APPL2: variants seen among roughly 807,000 people sequenced by gnomAD.
The protein encoded by APPL2 is DCC-interacting protein 13-beta.
A neutral mutation model predicts 92.7 loss-of-function variants in APPL2; 84 were observed. The ratio of observed to expected loss-of-function variants is 0.91; its 90% confidence interval spans 0.76 to 1.09. APPL2 has a LOEUF of 1.09. Among genes scored for constraint, APPL2 ranks in the 50% least tolerant of loss-of-function variants. The pLI is 0.00. For synonymous variants in APPL2, 291 were observed against 291.0 expected (o/e 1.00, Z 0.00); for missense variants, 736 against 824.5 (o/e 0.89, Z 1.31).
chr12:105,207,594 G>C (rs369433848), intron 7 of APPL2, among the ~76,000 whole-genome samples: 47 of 152,318 alleles, frequency 3.1e-4, no homozygotes, highest in Middle Eastern at 3.4e-3. Context: ...TTATATGCAT[G>C]AAAATAGTCA....
chr12:105,219,993 G>A (rs1319581417), intron 2 of APPL2, among the ~76,000 whole-genome samples: 1 of 152,202 alleles, frequency 6.6e-6, no homozygotes, highest in Non-Finnish European at 1.5e-5. Context: ...TTCTGTGCAC[G>A]ACCTCATCTA....
intron 1 of APPL2, chr12:105,233,324 T>G: frequency 1.0e-6 from 1 of 985,496 alleles, no homozygotes; most frequent in Non-Finnish European, 1.2e-6. Flanking sequence ...GGCAGATTTC[T>G]TAATCCCTAA....
At chr12:105,183,046 C>T (rs1307162175) in intron 17 of APPL2, among the ~76,000 whole-genome samples, 1 of 145,840 alleles carries the variant, frequency 6.9e-6, no homozygotes, top group Non-Finnish European at 1.5e-5. Flanking sequence ...TCCGTTTTAT[C>T]AGAGACTAGG....
chr12:105,195,812 T>G (rs1411599716), intron 11 of APPL2, among the ~76,000 whole-genome samples, 185 bp from the exon 12 acceptor site: 3 of 152,122 alleles, frequency 2.0e-5, no homozygotes, highest in Non-Finnish European at 4.4e-5. Flanking sequence ...CCCAGCATTT[T>G]GGGAAGGTGA....
At chr12:105,231,411 A>G (rs1890909849) in intron 1 of APPL2, among the ~76,000 whole-genome samples, 1 of 152,240 alleles carries the variant, frequency 6.6e-6, no homozygotes, top group Admixed American at 6.5e-5. Context: ...GGCACTAAAC[A>G]TATGTGACTT....
chr12:105,211,416 TCA>T, intron 4 of APPL2, 99 bp from the exon 5 acceptor site: 1 of 835,198 alleles, frequency 1.2e-6, no homozygotes, highest in Non-Finnish European at 1.9e-6. Context: ...TTCCGTGTGG[TCA>T]CAGAGCTCAG....
chr12:105,177,003 C>G lies in APPL2; in HGVS notation c.1685G>C (p.Ser562Thr), dbSNP rs1885610416. 6.2e-7 allele frequency: 1 copy of G among 1,613,928 alleles called. No individual in the cohort carries two copies. The highest frequency in any genetic ancestry group is 1.1e-5 in the South Asian group (1 of 91,076). Residue 562 changes from serine (S) to threonine (T), a missense_variant, in exon 19 of 21, where the codon AGT becomes ACT. Physicochemically the swap from Ser to Thr is moderately conservative, Grantham distance 58. Transcript: ENST00000258530. ...TTGATGAGCAGCAAATTGTGTGACA[C>G]TGGTAAGTTCAAACTGGGGGGTGGA... ...QVSRANFELT[S>T]VTQFAAHQEN...
chr12:105,186,542 A>G (rs1339248265), intron 17 of APPL2, among the ~76,000 whole-genome samples: 1 of 142,402 alleles, frequency 7.0e-6, no homozygotes, highest in Non-Finnish European at 1.5e-5. Context: ...GAACCATTTT[A>G]TATTCCCACC....
chr12:105,175,241 T>C (rs1392185789), intron 20 of APPL2, among the ~76,000 whole-genome samples: 1 of 152,184 alleles, frequency 6.6e-6, no homozygotes, highest in Non-Finnish European at 1.5e-5. Context: ...GCCAAAAACA[T>C]AAAGACCCTT....
intron 5 of APPL2, 124 bp from the exon 6 acceptor site, chr12:105,208,323 C>T (rs1201652421): frequency 8.5e-7 from 1 of 1,175,086 alleles, no homozygotes; most frequent in African/African-American, 1.5e-5. Flanking sequence ...ACCCTCAGTC[C>T]CTGGCTCTCA....
At chr12:105,201,568 C>T (rs1341998998) in intron 9 of APPL2, among the ~76,000 whole-genome samples, 1 of 151,902 alleles carries the variant, frequency 6.6e-6, no homozygotes, top group African/African-American at 2.4e-5. Flanking sequence ...TAGTAGCTGC[C>T]CTGCCTTCCC....
At chr12:105,174,878 G>C (rs932256484) in intron 20 of APPL2, among the ~76,000 whole-genome samples, 2 of 52,192 alleles carry the variant, frequency 3.8e-5, no homozygotes, top group African/African-American at 8.9e-5. Context: ...TTTTTTGGTG[G>C]GGGGGGGGGT....
Position 105,184,810 on chromosome 12 carries a change from G to C in APPL2, c.1634+3463C>G, listed in dbSNP as rs78473851. Among the ~76,000 whole-genome samples, 503 of 152,342 alleles carry C rather than the reference G, an allele frequency of 3.3e-3. 20 individuals carry two copies. The East Asian group carries it at 0.072, about 22-fold the overall frequency. On this transcript the variant is annotated intron_variant, in intron 17 of 20. Coordinates refer to ENST00000258530, the MANE Select transcript of APPL2 (RefSeq NM_018171.5). ...GCTGGGAGACCTGCTGCTCTCTTGA[G>C]AGCTGGCAGGCAGGAACATTTAAGT... is the stretch of plus-strand genomic sequence containing the variant.
chr12:105,186,631 TATATC>T (rs1374733128), intron 17 of APPL2, among the ~76,000 whole-genome samples: 1 of 121,772 alleles, frequency 8.2e-6, no homozygotes, highest in African/African-American at 3.3e-5. Context: ...ATATATCATA[TATATC>T]ATATATATGA....
intron 4 of APPL2, among the ~76,000 whole-genome samples, chr12:105,212,953 C>T (rs1216756446): frequency 6.6e-6 from 1 of 152,222 alleles, no homozygotes; most frequent in Non-Finnish European, 1.5e-5. Flanking sequence ...TTGAGGGTAA[C>T]ACAGGAAGAC....
At chr12:105,225,277 C>T (rs920723206) in intron 2 of APPL2, among the ~76,000 whole-genome samples, 2 of 152,084 alleles carry the variant, frequency 1.3e-5, no homozygotes, top group South Asian at 2.1e-4. Context: ...TCGTGAATAC[C>T]GCTGGGGATA....
At chr12:105,177,884 G>A (rs1312981214) in intron 17 of APPL2, among the ~76,000 whole-genome samples, 1 of 152,098 alleles carries the variant, frequency 6.6e-6, no homozygotes, top group South Asian at 2.1e-4. Context: ...TCCACCTCCC[G>A]GGTTCAAGCG....
intron 1 of APPL2, among the ~76,000 whole-genome samples, chr12:105,230,541 A>G (rs575360215): frequency 1.5e-4 from 23 of 152,384 alleles, no homozygotes; most frequent in African/African-American, 5.5e-4. Flanking sequence ...CACTTTACCA[A>G]ATACAACTCA....
intron 2 of APPL2, among the ~76,000 whole-genome samples, chr12:105,218,342 TATA>T (rs1486983902): frequency 6.6e-6 from 1 of 152,200 alleles, no homozygotes; most frequent in East Asian, 1.9e-4. Context: ...AGTGAGCAAT[TATA>T]ATGTGCCAGA....
Sources: allele counts gnomAD v4.1 joint callset (sites outside exome capture counted in the v4.1 genomes callset), GRCh38; gene constraint gnomAD v4.1.1; transcripts MANE v1.5; gene names NCBI Gene and HGNC (gene_info 2026-07-23, HGNC 2026-07-21).